CECR2: variants seen among roughly 807,000 people sequenced by gnomAD.
The protein encoded by CECR2 is CECR2 histone acetyl-lysine reader.
CECR2 carries 30 observed loss-of-function variants against 154.5 expected under a neutral mutation model. The ratio of observed to expected loss-of-function variants is 0.19; its 90% CI spans 0.15 to 0.26. CECR2 has a LOEUF of 0.26. CECR2 is among the 10% of genes least tolerant of loss of function. CECR2 has a pLI of 1.00. For missense variants in CECR2, 1,743 were observed against 1,829.3 expected (o/e 0.95, Z 0.86); for synonymous variants, 725 against 683.7 (o/e 1.06, Z -0.94).
chr22:17,531,325 C>T (rs766160529), intron 9 of CECR2, among the ~76,000 whole-genome samples: 7 of 152,212 alleles, frequency 4.6e-5, no homozygotes, highest in South Asian at 2.1e-4. Flanking sequence ...CTGCCAAGTG[C>T]GGCTTCGCAG....
At chr22:17,533,405 G>A (rs116072133) in intron 9 of CECR2, among the ~76,000 whole-genome samples, 3,155 of 151,840 alleles carry the variant, frequency 0.021, 110 homozygotes, top group African/African-American at 0.073. Context: ...CGAGGTGGAC[G>A]GATCACTTGA....
At chr22:17,443,149 G>A (rs559393772) in intron 1 of CECR2, among the ~76,000 whole-genome samples, 4 of 152,194 alleles carry the variant, frequency 2.6e-5, no homozygotes, top group South Asian at 2.1e-4. Flanking sequence ...AAGGACAAAC[G>A]AAACTTCTCA....
At chr22:17,445,305 C>T (rs914284622) in intron 1 of CECR2, among the ~76,000 whole-genome samples, 1 of 151,930 alleles carries the variant, frequency 6.6e-6, no homozygotes, top group African/African-American at 2.4e-5. Context: ...GCCAGGAGAC[C>T]AGTCTAGGTG....
intron 1 of CECR2, among the ~76,000 whole-genome samples, 200 bp downstream of exon 1, chr22:17,370,109 G>A (rs1170092903): frequency 7.3e-4 from 111 of 151,302 alleles, no homozygotes; most frequent in South Asian, 1.5e-3. Flanking sequence ...GGGGCGTCGG[G>A]CCGGGGACGC....
At chr22:17,416,784 G>A (rs984959287) in intron 1 of CECR2, among the ~76,000 whole-genome samples, 1 of 152,070 alleles carries the variant, frequency 6.6e-6, no homozygotes, top group Admixed American at 6.6e-5. Context: ...TTACAGGTGC[G>A]ACCCACCACG....
At chr22:17,384,391 G>A (rs552352044) in intron 1 of CECR2, among the ~76,000 whole-genome samples, 1 of 152,228 alleles carries the variant, frequency 6.6e-6, no homozygotes, top group South Asian at 2.1e-4. Context: ...GCCACAAAAT[G>A]TATTTCTTAA....
chr22:17,490,397 C>G (rs1332028069), intron 2 of CECR2, among the ~76,000 whole-genome samples: 2 of 151,804 alleles, frequency 1.3e-5, no homozygotes, highest in African/African-American at 2.4e-5. Flanking sequence ...GCTTACTGTG[C>G]CTGGTAGATC....
In CECR2 at chr22:17,407,144, T is replaced by G. The variant is rs575482080; in HGVS notation, c.126+37235T>G. ...ACTTTCTTTGGATAGAAACTTAAGA[T>G]AAACTCTTTTCATAGCCACTTACTG... On this transcript the variant is annotated intron_variant, in intron 1 of 18. Coordinates refer to ENST00000262608, the MANE Select transcript of CECR2 (RefSeq NM_001290047.2). Among the ~76,000 whole-genome samples, 3 of 152,370 alleles carry G rather than the reference T, an allele frequency of 2.0e-5. No homozygotes were observed. In the East Asian group the frequency reaches 5.8e-4, roughly 29 times the overall value.
At chr22:17,456,858 C>T (rs1162322354) in intron 1 of CECR2, among the ~76,000 whole-genome samples, 2 of 152,186 alleles carry the variant, frequency 1.3e-5, no homozygotes, top group Non-Finnish European at 2.9e-5. Flanking sequence ...TCTTCTACAT[C>T]TGGGGCCTCA....
intron 1 of CECR2, among the ~76,000 whole-genome samples, chr22:17,360,218 G>A (rs1241152294): frequency 3.3e-5 from 5 of 152,252 alleles, no homozygotes; most frequent in Non-Finnish European, 4.4e-5. Flanking sequence ...TAGTTACGCA[G>A]AGCTGGGTGC....
chr22:17,537,316 A>G (rs1159091908), intron 10 of CECR2, 84 bp downstream of exon 10: 2 of 1,501,940 alleles, frequency 1.3e-6, no homozygotes, highest in African/African-American at 2.8e-5. Flanking sequence ...TGTCATCCTT[A>G]GAACAGCCCT....
chr22:17,374,068 A>G (rs1404404746), intron 1 of CECR2, among the ~76,000 whole-genome samples: 6 of 152,182 alleles, frequency 3.9e-5, no homozygotes, highest in Admixed American at 1.3e-4. Context: ...ATCATGATGG[A>G]TGTGGGGCTG....
intron 2 of CECR2, among the ~76,000 whole-genome samples, chr22:17,486,471 C>G (rs560401496): frequency 6.6e-6 from 1 of 152,326 alleles, no homozygotes; most frequent in South Asian, 2.1e-4. Flanking sequence ...GTGTCAGTCA[C>G]ATGCTAGTGT....
rs12373987 is a variant in CECR2 at position 17,466,945 on chromosome 22, G to C, written c.127-10643G>C. 6.3e-3 allele frequency among the ~76,000 whole-genome samples: 955 copies of C among 152,034 alleles called. 11 individuals are homozygous for C. The highest frequency in any genetic ancestry group is 0.022 in the African/African-American group (910 of 41,456). ...CAGTGTTTCTCTCTTCCTCGTTCCC[G>C]TATGTGCTTTTGCATGGCTATGCTG... On this transcript the variant is annotated intron_variant, in intron 1 of 18. Coordinates refer to ENST00000262608, the MANE Select transcript of CECR2 (RefSeq NM_001290047.2).
chr22:17,379,835 A>G (rs1487717287), intron 1 of CECR2, among the ~76,000 whole-genome samples: 3 of 152,130 alleles, frequency 2.0e-5, no homozygotes, highest in Non-Finnish European at 4.4e-5. Flanking sequence ...GTGTGACTCA[A>G]GCAGTCTAGT....
chr22:17,548,021 A>G, intron 16 of CECR2, 127 bp from the exon 17 acceptor site: 1 of 884,734 alleles, frequency 1.1e-6, no homozygotes, highest in African/African-American at 1.7e-5. Flanking sequence ...AGGGACTCAA[A>G]CAATTTCCAG....
chr22:17,401,837 C>CCCA (rs1164279780), intron 1 of CECR2, among the ~76,000 whole-genome samples: 3 of 141,818 alleles, frequency 2.1e-5, no homozygotes, highest in African/African-American at 8.3e-5. Context: ...CACCCCCCCC[C>CCCA]GCCCCCGCTG....
intron 1 of CECR2, among the ~76,000 whole-genome samples, chr22:17,371,869 A>G (rs1324675654): frequency 2.0e-5 from 3 of 152,264 alleles, no homozygotes; most frequent in Non-Finnish European, 4.4e-5. Context: ...TACTCGCAGC[A>G]TATTTAGAGT....
intron 1 of CECR2, among the ~76,000 whole-genome samples, chr22:17,402,931 AT>A (rs2053919205): frequency 6.6e-6 from 1 of 151,540 alleles, no homozygotes; most frequent in Non-Finnish European, 1.5e-5. Context: ...CTAATTTTGT[AT>A]TTTTAGTAGA....
Sources: gnomAD v4.1 joint callset for allele counts (sites outside exome capture counted in the v4.1 genomes callset) on GRCh38, gnomAD v4.1.1 for gene constraint, MANE v1.5 for transcripts, NCBI Gene and HGNC (gene_info 2026-07-23, HGNC 2026-07-21) for gene names.